Variants in EXOC4 observed in about 807,000 individuals in gnomAD.
The protein encoded by EXOC4 is SEC8-like 1.
In EXOC4, 71 loss-of-function variants were observed where a neutral mutation model predicts 107.2. That is an observed-to-expected ratio of 0.66 (90% CI 0.55 to 0.81). The LOEUF (loss-of-function observed/expected upper bound fraction) is 0.81, where lower values mean the gene tolerates loss of function less well. Among genes scored for constraint, EXOC4 ranks in the 30% least tolerant of loss-of-function variants. The probability of loss-of-function intolerance (pLI) is 0.00; values close to 1 mark genes in which losing one functional copy is unlikely to be tolerated. For missense variants in EXOC4, 1,108 were observed against 1,189.6 expected, an observed-to-expected ratio of 0.93 and a Z score of 1.01; for synonymous variants, 456 against 441.2, an observed-to-expected ratio of 1.03 and a Z score of -0.42.
intron 14 of EXOC4, among the ~76,000 whole-genome samples, chr7:133,996,553 G>C (rs1411378514): frequency 6.6e-6 from 1 of 152,128 alleles, no homozygotes; most frequent in Non-Finnish European, 1.5e-5. Context: ...GAAATATATA[G>C]AAGGTAGCTT....
intron 12 of EXOC4, among the ~76,000 whole-genome samples, chr7:133,912,656 A>G (rs1269628898): frequency 6.6e-6 from 1 of 152,202 alleles, no homozygotes; most frequent in Non-Finnish European, 1.5e-5. Flanking sequence ...TATGCCTTCT[A>G]AATACCAGGT....
intron 10 of EXOC4, among the ~76,000 whole-genome samples, chr7:133,664,585 C>T (rs974088654): frequency 6.6e-6 from 1 of 152,156 alleles, no homozygotes; most frequent in African/African-American, 2.4e-5. Context: ...ATATTACCAT[C>T]TCCAATTCTT....
chr7:133,505,592 C>T (rs559697840), intron 9 of EXOC4, among the ~76,000 whole-genome samples: 1 of 151,998 alleles, frequency 6.6e-6, no homozygotes, highest in Non-Finnish European at 1.5e-5. Flanking sequence ...TTATATGAAC[C>T]TTCTGTGAGG....
intron 13 of EXOC4, among the ~76,000 whole-genome samples, chr7:133,936,759 A>G (rs1169169416): frequency 6.6e-6 from 1 of 152,158 alleles, no homozygotes; most frequent in East Asian, 1.9e-4. Context: ...TCCCGGGTTC[A>G]AGCGATTCTC....
intron 10 of EXOC4, among the ~76,000 whole-genome samples, chr7:133,805,030 C>A (rs556498519): frequency 4.2e-4 from 64 of 152,244 alleles, no homozygotes; most frequent in African/African-American, 1.5e-3. Context: ...ACTGTGTCCA[C>A]TGTACTTGAT....
At chr7:133,305,231 A>AC (rs1158573946) in intron 3 of EXOC4, among the ~76,000 whole-genome samples, 1 of 152,150 alleles carries the variant, frequency 6.6e-6, no homozygotes, top group African/African-American at 2.4e-5. Context: ...ACCACTTTGC[A>AC]CCGGGAGTAT....
intron 11 of EXOC4, among the ~76,000 whole-genome samples, chr7:133,840,017 G>A (rs1797993209): frequency 6.6e-6 from 1 of 152,208 alleles, no homozygotes. Context: ...GGGAGTTCAG[G>A]AGACAGTGGT....
intron 11 of EXOC4, among the ~76,000 whole-genome samples, chr7:133,843,340 T>G (rs1485683410): frequency 6.6e-6 from 1 of 152,232 alleles, no homozygotes; most frequent in Non-Finnish European, 1.5e-5. Context: ...ATCTCTGATT[T>G]CTTTGTGCAG....
intron 12 of EXOC4, among the ~76,000 whole-genome samples, chr7:133,904,109 GAA>G (rs111306277): frequency 0.02 from 3,099 of 152,316 alleles, 127 homozygotes; most frequent in African/African-American, 0.071. Context: ...GGCGAACAGA[GAA>G]ATGGCATAGT....
At chr7:133,406,797 T>G (rs1797231118) in intron 7 of EXOC4, among the ~76,000 whole-genome samples, 1 of 152,228 alleles carries the variant, frequency 6.6e-6, no homozygotes. Flanking sequence ...AATGTAACTG[T>G]GGTTTATTAA....
intron 12 of EXOC4, among the ~76,000 whole-genome samples, chr7:133,909,975 A>G (rs1686458770): frequency 7.7e-6 from 1 of 129,688 alleles, no homozygotes; most frequent in African/African-American, 3.1e-5. Flanking sequence ...CCAGGCTGGA[A>G]TGCAATGGCG....
In EXOC4 at chr7:133,537,237, G is replaced by A. The variant is rs979615585; in HGVS notation, c.1417+57099G>A. 4.6e-5 allele frequency among the ~76,000 whole-genome samples: 7 copies of A among 150,700 alleles called. 1 individual carries two copies. In the East Asian group the frequency reaches 9.7e-4, roughly 21 times the overall value. ...GTGATCTCGACTCACTGCAGCCTCC[G>A]CCTCCCAGGTTCAAGTGATTCTTGT... is the stretch of plus-strand genomic sequence containing the variant. On this transcript the variant is annotated intron_variant, in intron 9 of 17. Transcript: ENST00000253861.
Position 133,817,550 on chromosome 7 carries a change from A to C in EXOC4, c.1734+6A>C. On this transcript the variant is annotated splice_donor_region_variant and intron_variant, in intron 11 of 17. Coordinates refer to ENST00000253861, the MANE Select transcript of EXOC4 (RefSeq NM_021807.4). The stretch of plus-strand genomic sequence containing the variant: ...TGCAGCGGCCTCTCCTACAGGTAAT[A>C]ATACACTTTGAACTTACTATTTTTA... 6.2e-7 allele frequency: 1 copy of C among 1,601,504 alleles called. No individual in the cohort carries two copies. Among genetic ancestry groups the C allele is most frequent in the South Asian group, 1.1e-5 (1 of 90,706 alleles).
intron 17 of EXOC4, among the ~76,000 whole-genome samples, chr7:134,049,344 C>T (rs566892642): frequency 6.6e-6 from 1 of 152,236 alleles, no homozygotes; most frequent in African/African-American, 2.4e-5. Context: ...TAGCATGGCC[C>T]ACAGGTCTGT....
chr7:133,916,816 G>A (rs1230768336), intron 12 of EXOC4, among the ~76,000 whole-genome samples: 1 of 152,170 alleles, frequency 6.6e-6, no homozygotes, highest in Non-Finnish European at 1.5e-5. Flanking sequence ...TATTGCTGAC[G>A]AGGATATTTA....
At chr7:133,513,432 C>T (rs1036346273) in intron 9 of EXOC4, among the ~76,000 whole-genome samples, 1 of 152,132 alleles carries the variant, frequency 6.6e-6, no homozygotes, top group African/African-American at 2.4e-5. Flanking sequence ...AGATATTTTA[C>T]ACATTTTTCT....
intron 10 of EXOC4, among the ~76,000 whole-genome samples, chr7:133,677,107 C>G: frequency 6.6e-6 from 1 of 151,996 alleles, no homozygotes. Context: ...TTAGAGCTCC[C>G]TGTTTCATAT....
chr7:134,041,947 G>A (rs546307224), intron 17 of EXOC4, among the ~76,000 whole-genome samples: 3 of 152,280 alleles, frequency 2.0e-5, no homozygotes, highest in African/African-American at 7.2e-5. Context: ...CACTGAGCCA[G>A]CTGTGTTACA....
At chr7:133,293,980 C>G (rs1584785821) in intron 3 of EXOC4, among the ~76,000 whole-genome samples, 1 of 152,204 alleles carries the variant, frequency 6.6e-6, no homozygotes, top group Non-Finnish European at 1.5e-5. Flanking sequence ...CACATTTCTG[C>G]AGTCTGTCCT....
Sources: gnomAD v4.1 joint callset for allele counts (sites outside exome capture counted in the v4.1 genomes callset) on GRCh38, gnomAD v4.1.1 for gene constraint, MANE v1.5 for transcripts, NCBI Gene and HGNC (gene_info 2026-07-23, HGNC 2026-07-21) for gene names.